Variants in CEP112 observed in about 807,000 individuals in gnomAD.
The protein encoded by CEP112 is centrosomal protein of 112 kDa.
CEP112 carries 127 observed loss-of-function variants against 153.0 expected under a neutral mutation model. The observed-to-expected ratio is 0.83, with a 90% CI of 0.72 to 0.96. CEP112 has a LOEUF of 0.96. Among genes scored for constraint, CEP112 ranks in the 40% least tolerant of loss-of-function variants. CEP112 has a pLI of 0.00. For missense variants in CEP112, 1,089 were observed against 1,101.2 expected (o/e 0.99, Z 0.16); for synonymous variants, 358 against 374.4 (o/e 0.96, Z 0.51).
Position 65,743,179 on chromosome 17 carries a change from T to C in CEP112, c.2496A>G (p.Lys832=). Residue 832 remains lysine (K), a synonymous_variant, in exon 23 of 27, where the codon AAA becomes AAG. Transcript: ENST00000535342. ...CAAGCTGCTGCTGGCTGTTCTCTTC[T>C]TTCAGAGAGGAAATGGTTGTCTGAA... ...AELQTTISSL[K]EENSQQQLAA... The C allele has an allele frequency of 1.9e-6, 3 of 1,612,452 alleles. No homozygotes were observed. Among genetic ancestry groups the C allele is most frequent in the South Asian group, 1.1e-5 (1 of 90,652 alleles).
intron 20 of CEP112, among the ~76,000 whole-genome samples, chr17:65,890,491 T>C (rs2143144596): frequency 6.6e-6 from 1 of 152,314 alleles, no homozygotes; most frequent in African/African-American, 2.4e-5. Flanking sequence ...CCACATCCCA[T>C]AACTTCCATC....
At chr17:65,879,097 T>A (rs1269569660) in intron 20 of CEP112, among the ~76,000 whole-genome samples, 1 of 152,212 alleles carries the variant, frequency 6.6e-6, no homozygotes, top group Non-Finnish European at 1.5e-5. Context: ...TTTCCCAAAA[T>A]GTTACCTTAT....
chr17:65,887,158 A>G (rs2059308496), intron 20 of CEP112, among the ~76,000 whole-genome samples: 2 of 152,102 alleles, frequency 1.3e-5, no homozygotes, highest in Non-Finnish European at 2.9e-5. Flanking sequence ...GATGAGGTGC[A>G]GGGGAGACAG....
intron 17 of CEP112, among the ~76,000 whole-genome samples, chr17:65,966,950 C>A (rs2062436859): frequency 6.6e-6 from 1 of 152,126 alleles, no homozygotes; most frequent in African/African-American, 2.4e-5. Context: ...GGGCCACAAG[C>A]CAAGGAACTG....
intron 17 of CEP112, among the ~76,000 whole-genome samples, chr17:65,979,541 T>C (rs2063155227): frequency 1.3e-5 from 2 of 152,164 alleles, no homozygotes; most frequent in South Asian, 2.1e-4. Flanking sequence ...GTGTCTGGCC[T>C]TAGGCTCTTT....
At chr17:65,672,743 TA>T (rs1235649662) in intron 24 of CEP112, among the ~76,000 whole-genome samples, 1 of 152,148 alleles carries the variant, frequency 6.6e-6, no homozygotes, top group African/African-American at 2.4e-5. Context: ...AGTACCCTAA[TA>T]GATGGCTCAT....
At chr17:66,176,380 C>T (rs111778628) in intron 3 of CEP112, among the ~76,000 whole-genome samples, 5,186 of 152,194 alleles carry the variant, frequency 0.034, 131 homozygotes, top group Middle Eastern at 0.061. Flanking sequence ...AATTTAAGTA[C>T]AGAAAATGAC....
intron 19 of CEP112, among the ~76,000 whole-genome samples, chr17:65,920,671 A>C (rs78549227): frequency 6.6e-6 from 1 of 151,918 alleles, no homozygotes; most frequent in Non-Finnish European, 1.5e-5. Flanking sequence ...CTACACTCTG[A>C]AAACTCTTCT....
intron 23 of CEP112, among the ~76,000 whole-genome samples, chr17:65,695,268 A>G (rs1022741753): frequency 6.6e-6 from 1 of 152,236 alleles, no homozygotes; most frequent in Non-Finnish European, 1.5e-5. Flanking sequence ...AAATAATGAG[A>G]GCAAATTAAA....
At chr17:65,699,492 C>A (rs1176400883) in intron 23 of CEP112, among the ~76,000 whole-genome samples, 1 of 152,148 alleles carries the variant, frequency 6.6e-6, no homozygotes, top group Non-Finnish European at 1.5e-5. Context: ...CTATCAGTGC[C>A]CTTTTTTCAC....
chr17:66,155,464 C>T (rs2071397670), intron 4 of CEP112, among the ~76,000 whole-genome samples: 2 of 151,990 alleles, frequency 1.3e-5, no homozygotes, highest in Admixed American at 6.5e-5. Flanking sequence ...AACTGGGTGG[C>T]TGTTTGGGCA....
chr17:65,832,844 C>T (rs186711296), intron 21 of CEP112, among the ~76,000 whole-genome samples: 7 of 152,248 alleles, frequency 4.6e-5, no homozygotes, highest in East Asian at 1.9e-4. Flanking sequence ...TCCTCCCCAA[C>T]GCATTCTATG....
At chr17:66,161,067 C>T (rs1237455886) in intron 4 of CEP112, among the ~76,000 whole-genome samples, 7 of 150,796 alleles carry the variant, frequency 4.6e-5, no homozygotes, top group Non-Finnish European at 8.9e-5. Context: ...ATGCCACCAA[C>T]AAACATACGA....
At chr17:65,904,969 C>T (rs918623543) in intron 19 of CEP112, among the ~76,000 whole-genome samples, 1 of 152,150 alleles carries the variant, frequency 6.6e-6, no homozygotes, top group Non-Finnish European at 1.5e-5. Context: ...GGATTAAAGA[C>T]TTAAACGTAA....
chr17:65,707,702 T>C (rs563498762), intron 23 of CEP112, among the ~76,000 whole-genome samples: 1 of 152,342 alleles, frequency 6.6e-6, no homozygotes, highest in South Asian at 2.1e-4. Flanking sequence ...GTCAGGAACG[T>C]ATAAGCATTT....
intron 20 of CEP112, chr17:65,873,199 G>C (rs1001612609): frequency 6.6e-6 from 1 of 152,196 alleles, no homozygotes; most frequent in Non-Finnish European, 1.5e-5. Context: ...AGGAACTCTG[G>C]TCATGGTCCC....
At chr17:66,009,070 C>T (rs546729208) in intron 16 of CEP112, among the ~76,000 whole-genome samples, 10 of 152,116 alleles carry the variant, frequency 6.6e-5, no homozygotes, top group Admixed American at 2.0e-4. Context: ...CTGAATGATA[C>T]GGTAGTGCTA....
chr17:65,973,847 A>C (rs2062936515), intron 17 of CEP112, among the ~76,000 whole-genome samples: 1 of 152,208 alleles, frequency 6.6e-6, no homozygotes, highest in Non-Finnish European at 1.5e-5. Context: ...GTATGTACAT[A>C]GTTCAAAATA....
At chr17:65,901,983 CGGGGGGG>C (rs1193965831) in intron 20 of CEP112, among the ~76,000 whole-genome samples, 162 bp downstream of exon 20, 9 of 4,936 alleles carry the variant, frequency 1.8e-3, no homozygotes, top group African/African-American at 5.8e-3. Context: ...CATCCCAAAA[CGGGGGGG>C]GGGGGGGGTG....
Sources: gnomAD v4.1 joint callset for allele counts (sites outside exome capture counted in the v4.1 genomes callset) on GRCh38, gnomAD v4.1.1 for gene constraint, MANE v1.5 for transcripts, NCBI Gene and HGNC (gene_info 2026-07-23, HGNC 2026-07-21) for gene names.